Variants in ATG7 observed in about 807,000 individuals in gnomAD.
ATG7 encodes autophagy related 7.
In ATG7, 70 loss-of-function variants were observed where a neutral mutation model predicts 82.4. That is an observed-to-expected ratio of 0.85 (90% CI 0.70 to 1.04). The LOEUF (loss-of-function observed/expected upper bound fraction) is 1.04, where lower values mean the gene tolerates loss of function less well. Ranked by LOEUF, ATG7 falls within the 50% of genes least tolerant of loss-of-function variation. ATG7 has a pLI of 0.00. For synonymous variants in ATG7, 287 were observed against 313.0 expected (o/e 0.92, Z 0.88); for missense variants, 792 against 864.3 (o/e 0.92, Z 1.05).
At chr3:11,394,826 CT>C (rs1374071296) in intron 19 of ATG7, among the ~76,000 whole-genome samples, 3 of 152,132 alleles carry the variant, frequency 2.0e-5, no homozygotes, top group African/African-American at 7.2e-5. Flanking sequence ...AAATATGATC[CT>C]AGTCCTAAAA....
Position 11,283,888 on chromosome 3 carries a change from C to T in ATG7, c.-11+1450C>T, listed in dbSNP as rs535370951. 1.0e-3 allele frequency among the ~76,000 whole-genome samples: 153 copies of T among 152,268 alleles called. 1 individual carries two copies. The highest frequency in any genetic ancestry group is 3.1e-3 in the South Asian group (15 of 4,826). The stretch of plus-strand genomic sequence containing the variant: ...CGGAGGTTGCAGTGAGCCGAGATCA[C>T]GCCATTGCACTCCAGCCTGGACGAC... On this transcript the variant is annotated intron_variant, in intron 3 of 20. Transcript: ENST00000693202.
chr3:11,564,859 T>A, the ATG7 span: 1 of 1,608,552 alleles, frequency 6.2e-7, no homozygotes, highest in Non-Finnish European at 8.5e-7. Context: ...GCGTCCAGGC[T>A]GTTCTTGGTC....
At chr3:11,528,284 T>A (rs2092625175) in intron 20 of ATG7, among the ~76,000 whole-genome samples, 1 of 152,190 alleles carries the variant, frequency 6.6e-6, no homozygotes, top group African/African-American at 2.4e-5. Context: ...AGCCCCTGCT[T>A]ATGTGCCCAG....
At chr3:11,571,057 C>G in the ATG7 span, among the ~76,000 whole-genome samples, 2 of 152,300 alleles carry the variant, frequency 1.3e-5, no homozygotes, top group African/African-American at 4.8e-5. Flanking sequence ...GTGGCGGAGG[C>G]TGAGGCAGAG....
chr3:11,332,958 G>C lies in ATG7; in HGVS notation c.768-14G>C. 6.9e-7 allele frequency: 1 copy of C among 1,451,762 alleles called. No individual in the cohort carries two copies. The highest frequency in any genetic ancestry group is 9.1e-7 in the Non-Finnish European group (1 of 1,101,552). The allele number at this position is 1,451,762 out of a possible 1,614,324, so 89.9% of individuals were successfully genotyped here. On this transcript the variant is annotated splice_polypyrimidine_tract_variant and intron_variant, in intron 10 of 20. Coordinates refer to ENST00000693202, the MANE Select transcript of ATG7 (RefSeq NM_001349232.2). ...AAAAATAATAAATAAATAAAAATCC[G>C]GGCATGACAACAGGAGTAGCAGTTT...
intron 20 of ATG7, among the ~76,000 whole-genome samples, chr3:11,511,854 C>T (rs537777260): frequency 1.6e-4 from 24 of 152,332 alleles, no homozygotes; most frequent in East Asian, 1.2e-3. Context: ...AAGTCCCCCA[C>T]TGCCTGGGGC....
intron 19 of ATG7, among the ~76,000 whole-genome samples, chr3:11,390,561 G>A (rs765338956): frequency 6.6e-6 from 1 of 152,160 alleles, no homozygotes; most frequent in Non-Finnish European, 1.5e-5. Flanking sequence ...TGTTTCTGTT[G>A]GGCTGTGCTA....
chr3:11,429,410 G>A (rs968418087), intron 20 of ATG7, among the ~76,000 whole-genome samples: 1 of 151,908 alleles, frequency 6.6e-6, no homozygotes. Context: ...GCAGGAGAGT[G>A]ACTTGAACCC....
chr3:11,341,059 C>G (rs1182150343), intron 12 of ATG7, among the ~76,000 whole-genome samples: 13 of 152,038 alleles, frequency 8.6e-5, no homozygotes, highest in Non-Finnish European at 1.8e-4. Flanking sequence ...GGCCCACTCC[C>G]CCGCCCCGTC....
chr3:11,426,927 G>A lies in ATG7; in HGVS notation c.2079+1G>A, dbSNP rs2082410020. 6.3e-7 allele frequency: 1 copy of A among 1,591,742 alleles called. No homozygotes were observed. Among genetic ancestry groups the A allele is most frequent in the Non-Finnish European group, 8.5e-7 (1 of 1,172,462 alleles). On this transcript the variant is annotated splice_donor_variant, in intron 20 of 20. Transcript: ENST00000693202. LOFTEE classifies it high-confidence loss of function. ...GCATCAAGAAACCCAAGCTGCTGAG[G>A]TAAGAACAAAACAAGCTTTCTGTAG... is the stretch of plus-strand genomic sequence containing the variant.
At chr3:11,534,504 A>G (rs1183532589) in intron 20 of ATG7, among the ~76,000 whole-genome samples, 1 of 152,210 alleles carries the variant, frequency 6.6e-6, no homozygotes, top group Admixed American at 6.5e-5. Context: ...ACCTCCCCAG[A>G]GCCAAGGCGG....
the ATG7 span, among the ~76,000 whole-genome samples, chr3:11,572,386 A>C: frequency 1.3e-5 from 2 of 152,190 alleles, no homozygotes; most frequent in Non-Finnish European, 2.9e-5. Context: ...GAGGGAGGAA[A>C]ATACAAAGAC....
chr3:11,566,835 G>A, the ATG7 span, among the ~76,000 whole-genome samples: 2 of 152,126 alleles, frequency 1.3e-5, no homozygotes, highest in African/African-American at 2.4e-5. Context: ...TGAGGGCGTC[G>A]AGTCCCTCCT....
chr3:11,484,219 C>T (rs1029170989), intron 20 of ATG7, among the ~76,000 whole-genome samples: 2 of 152,084 alleles, frequency 1.3e-5, no homozygotes, highest in African/African-American at 4.8e-5. Flanking sequence ...TACAGTAGAA[C>T]CCCGTGTCTA....
At chr3:11,275,242 T>G (rs1941465010) in intron 1 of ATG7, among the ~76,000 whole-genome samples, 1 of 152,152 alleles carries the variant, frequency 6.6e-6, no homozygotes, top group Admixed American at 6.5e-5. Flanking sequence ...CTAGTGTCTC[T>G]AATAGATTAA....
At chr3:11,280,085 C>T (rs1942758088) in intron 1 of ATG7, among the ~76,000 whole-genome samples, 1 of 150,868 alleles carries the variant, frequency 6.6e-6, no homozygotes, top group African/African-American at 2.4e-5. Context: ...CTTGCTGTGT[C>T]ACCCAGGCTG....
Position 11,554,953 on chromosome 3 carries a change from T to G in ATG7, c.*110T>G. The G allele has an allele frequency of 7.3e-7, 1 of 1,360,840 alleles. No homozygotes were observed. Among genetic ancestry groups the G allele is most frequent in the Non-Finnish European group, 9.9e-7 (1 of 1,007,398 alleles). The allele number at this position is 1,360,840 out of a possible 1,614,324, so 84.3% of individuals were successfully genotyped here. ...CTGGTGATTCTGGGCCCCTCCTCCATACCCCGAGGTCTGGGATTCCCCCCT... is the reference window on the plus strand; with the variant it reads ...CTGGTGATTCTGGGCCCCTCCTCCAGACCCCGAGGTCTGGGATTCCCCCCT... On this transcript the variant is annotated 3_prime_UTR_variant, in exon 21 of 21. Transcript: ENST00000693202.
chr3:11,365,933 T>C (rs574822688), intron 18 of ATG7, among the ~76,000 whole-genome samples: 59 of 152,124 alleles, frequency 3.9e-4, no homozygotes, highest in Non-Finnish European at 2.9e-4. Flanking sequence ...ATAATAGAAC[T>C]TGTGGGCCGG....
intron 18 of ATG7, among the ~76,000 whole-genome samples, chr3:11,377,546 A>G (rs867001685): frequency 1.3e-5 from 2 of 152,176 alleles, no homozygotes; most frequent in African/African-American, 4.8e-5. Context: ...CTCCAATGAT[A>G]AGACAGTATC....
Sources: allele counts gnomAD v4.1 joint callset (sites outside exome capture counted in the v4.1 genomes callset), GRCh38; gene constraint gnomAD v4.1.1; transcripts MANE v1.5; gene names NCBI Gene and HGNC (gene_info 2026-07-23, HGNC 2026-07-21).